ANK3: variants seen among roughly 807,000 people sequenced by gnomAD.
ANK3 encodes the protein ankyrin 3, also known as ankyrin-3.
In ANK3, 57 loss-of-function variants were observed where a neutral mutation model predicts 370.9. That is an observed-to-expected ratio of 0.15 (90% CI 0.12 to 0.19). ANK3 has a LOEUF of 0.19. ANK3 is among the 10% of genes least tolerant of loss of function. The pLI is 1.00. For synonymous variants in ANK3, 1,929 were observed against 1,946.3 expected, an observed-to-expected ratio of 0.99 and a Z score of 0.23; for missense variants, 4,439 against 5,302.1, an observed-to-expected ratio of 0.84 and a Z score of 5.06.
chr10:60,707,847 C>T (rs904666726), intron 1 of ANK3, among the ~76,000 whole-genome samples: 22 of 151,228 alleles, frequency 1.5e-4, no homozygotes, highest in Non-Finnish European at 2.9e-4. Context: ...CACAGAACCA[C>T]GAAAAAATTA....
chr10:60,238,499 A>G (rs181679349), intron 7 of ANK3, among the ~76,000 whole-genome samples: 32 of 152,218 alleles, frequency 2.1e-4, no homozygotes, highest in Admixed American at 1.7e-3. Context: ...CACACACCCT[A>G]AAGACTGAGT....
At chr10:60,059,665 C>T in intron 40 of ANK3, 1 of 1,577,144 alleles carries the variant, frequency 6.3e-7, no homozygotes, top group Non-Finnish European at 8.6e-7. Flanking sequence ...TTTGGGGACC[C>T]AGCCAAATTT....
At chr10:60,330,231 G>C (rs2050896561) in intron 1 of ANK3, among the ~76,000 whole-genome samples, 1 of 152,196 alleles carries the variant, frequency 6.6e-6, no homozygotes, top group African/African-American at 2.4e-5. Flanking sequence ...CATGGGCGAA[G>C]ACTTCATGAC....
chr10:60,059,699 C>G, intron 40 of ANK3: 4 of 1,609,614 alleles, frequency 2.5e-6, no homozygotes, highest in Non-Finnish European at 3.4e-6. Flanking sequence ...GATACTCACT[C>G]AGACATACAT....
At chr10:60,315,211 T>C (rs1177444132) in intron 1 of ANK3, among the ~76,000 whole-genome samples, 1 of 152,198 alleles carries the variant, frequency 6.6e-6, no homozygotes, top group African/African-American at 2.4e-5. Flanking sequence ...CATAAATAAG[T>C]AGTAGCTATG....
intron 25 of ANK3, among the ~76,000 whole-genome samples, chr10:60,115,055 T>C (rs2092991082): frequency 6.6e-6 from 1 of 152,198 alleles, no homozygotes; most frequent in Admixed American, 6.5e-5. Flanking sequence ...GAACATTTGC[T>C]GAATTCCGAA....
chr10:60,140,101 ACT>A (rs2094499204), intron 23 of ANK3: 1 of 551,248 alleles, frequency 1.8e-6, no homozygotes, highest in Non-Finnish European at 3.2e-6. Context: ...TGCATTCGGT[ACT>A]GTTTACATTT....
At chr10:60,175,489 A>G (rs1359051423) in intron 18 of ANK3, among the ~76,000 whole-genome samples, 1 of 152,234 alleles carries the variant, frequency 6.6e-6, no homozygotes, top group East Asian at 1.9e-4. Flanking sequence ...AGCCCAGGGA[A>G]CAGAGCAGCC....
chr10:60,244,357 A>C (rs900910511), intron 7 of ANK3, among the ~76,000 whole-genome samples: 2 of 152,176 alleles, frequency 1.3e-5, no homozygotes, highest in Admixed American at 6.5e-5. Flanking sequence ...GGATGATATC[A>C]CTCAAAATCT....
At chr10:60,530,688 G>T (rs1460126742) in intron 2 of ANK3, among the ~76,000 whole-genome samples, 1 of 152,124 alleles carries the variant, frequency 6.6e-6, no homozygotes, top group Non-Finnish European at 1.5e-5. Flanking sequence ...CTAACCTGAA[G>T]ACATTCATAA....
Position 60,445,629 on chromosome 10 carries a change from A to G in ANK3, c.97-165990T>C, listed in dbSNP as rs112811549. ...AGTCTCTCTATCAAAGGCAGGTTTC[A>G]CACATTACCAGCCAACAAAATTCCC... On this transcript the variant is annotated intron_variant, in intron 2 of 43. Transcript: ENST00000373827. 3.1e-3 allele frequency among the ~76,000 whole-genome samples: 468 copies of G among 152,288 alleles called. 4 individuals are homozygous for G. The highest frequency in any genetic ancestry group is 0.011 in the African/African-American group (449 of 41,562).
chr10:60,500,535 A>C lies in ANK3; in HGVS notation c.96+114651T>G, dbSNP rs143446949. Among the ~76,000 whole-genome samples, 117 of 152,318 alleles carry C rather than the reference A, an allele frequency of 7.7e-4. 3 individuals are homozygous for C. The highest frequency in any genetic ancestry group is 2.7e-3 in the African/African-American group (114 of 41,580). On this transcript the variant is annotated intron_variant, in intron 2 of 43. Coordinates refer to the ANK3 transcript ENST00000373827. ...TTAACCTACTCTAGGCTCTATCCCA[A>C]CAGTAAGTGCAGATACTCTAAAATA...
intron 7 of ANK3, among the ~76,000 whole-genome samples, chr10:60,245,454 T>C (rs2097539175): frequency 6.6e-6 from 1 of 152,158 alleles, no homozygotes; most frequent in Non-Finnish European, 1.5e-5. Flanking sequence ...CTAGCACATT[T>C]TCATCATTTT....
At chr10:60,571,897 T>G (rs1161134143) in intron 2 of ANK3, among the ~76,000 whole-genome samples, 2 of 152,176 alleles carry the variant, frequency 1.3e-5, no homozygotes, top group African/African-American at 4.8e-5. Context: ...AATTAATTTT[T>G]TGGATTATAA....
Position 60,550,890 on chromosome 10 carries a change from C to A in ANK3, c.96+64296G>T, listed in dbSNP as rs532133166. Among the ~76,000 whole-genome samples the A allele has an allele frequency of 3.9e-5, 6 of 152,154 alleles. 1 individual carries two copies. In the East Asian group the frequency reaches 1.2e-3, roughly 29 times the overall value. ...TTGTAACTTCTGCTTAATACATCAA[C>A]CATATCATTCCAAATATTATGCAAT... On this transcript the variant is annotated intron_variant, in intron 2 of 43. Coordinates refer to the ANK3 transcript ENST00000373827.
intron 7 of ANK3, among the ~76,000 whole-genome samples, chr10:60,250,600 T>C (rs368230516): frequency 4.2e-4 from 64 of 152,242 alleles, no homozygotes; most frequent in South Asian, 6.2e-4. Context: ...CTCCTGACCT[T>C]GTGATCTGCC....
chr10:60,271,628 G>A (rs868050882), intron 4 of ANK3, among the ~76,000 whole-genome samples: 4 of 152,026 alleles, frequency 2.6e-5, no homozygotes, highest in Admixed American at 2.6e-4. Context: ...AAACTACAAT[G>A]TTACCAAATA....
At chr10:60,037,690 A>G (rs1403039209) in intron 43 of ANK3, among the ~76,000 whole-genome samples, 1 of 152,070 alleles carries the variant, frequency 6.6e-6, no homozygotes, top group African/African-American at 2.4e-5. Context: ...TATCCAGTCT[A>G]CCATTGATGG....
chr10:60,194,008 C>A, intron 16 of ANK3, among the ~76,000 whole-genome samples: 1 of 152,008 alleles, frequency 6.6e-6, no homozygotes, highest in African/African-American at 2.4e-5. Context: ...GTAATCCCAG[C>A]TACTTGGGAG....
Sources: allele counts gnomAD v4.1 joint callset (sites outside exome capture counted in the v4.1 genomes callset), GRCh38; gene constraint gnomAD v4.1.1; transcripts MANE v1.5; gene names NCBI Gene and HGNC (gene_info 2026-07-23, HGNC 2026-07-21).